The following UNC13C variants were observed in gnomAD, a reference collection of about 807,000 sequenced individuals.
UNC13C encodes the protein unc-13 homolog C, also known as protein unc-13 homolog C.
UNC13C carries 174 observed loss-of-function variants against 245.4 expected under a neutral mutation model. The ratio of observed to expected loss-of-function variants is 0.71; its 90% CI spans 0.63 to 0.80. The LOEUF is 0.80. Among genes scored for constraint, UNC13C ranks in the 30% least tolerant of loss-of-function variants. The pLI is 0.00. For synonymous variants in UNC13C, 992 were observed against 895.1 expected (o/e 1.11, Z -1.93); for missense variants, 2,829 against 2,602.9 (o/e 1.09, Z -1.89).
intron 7 of UNC13C, among the ~76,000 whole-genome samples, chr15:54,240,376 C>T (rs1379017962): frequency 2.0e-5 from 3 of 152,144 alleles, no homozygotes; most frequent in Admixed American, 6.5e-5. Flanking sequence ...ATTTGCACTT[C>T]TTGGTGCTGA....
intron 30 of UNC13C, among the ~76,000 whole-genome samples, chr15:54,588,311 C>A (rs942159873): frequency 7.2e-5 from 11 of 152,164 alleles, no homozygotes; most frequent in African/African-American, 2.7e-4. Context: ...TTATTAATTA[C>A]TTTAAATCTC....
intron 16 of UNC13C, among the ~76,000 whole-genome samples, chr15:54,337,871 C>T (rs528242731): frequency 6.6e-6 from 1 of 152,298 alleles, no homozygotes; most frequent in South Asian, 2.1e-4. Flanking sequence ...CCTACAGCTT[C>T]ATTTACTCTT....
At chr15:54,446,863 T>G (rs567065262) in intron 19 of UNC13C, among the ~76,000 whole-genome samples, 19 of 152,322 alleles carry the variant, frequency 1.2e-4, no homozygotes, top group African/African-American at 4.6e-4. Flanking sequence ...ATCCCTGTCT[T>G]GTGCCAGTTT....
intron 4 of UNC13C, among the ~76,000 whole-genome samples, chr15:54,156,735 G>A (rs1379690547): frequency 6.6e-6 from 1 of 150,798 alleles, no homozygotes; most frequent in Non-Finnish European, 1.5e-5. Context: ...TTTACACAGA[G>A]TCTGAGAGTA....
the UNC13C span, among the ~76,000 whole-genome samples, chr15:53,860,632 T>G: frequency 1.3e-5 from 2 of 152,210 alleles, no homozygotes; most frequent in Non-Finnish European, 2.9e-5. Flanking sequence ...CAGGAGTCTT[T>G]GCCTCTCCAA....
At chr15:54,347,429 A>G (rs1282153694) in intron 17 of UNC13C, among the ~76,000 whole-genome samples, 2 of 152,192 alleles carry the variant, frequency 1.3e-5, no homozygotes, top group Non-Finnish European at 2.9e-5. Context: ...GTAAATTTTA[A>G]GTTGTTTATT....
At chr15:53,913,873 C>A in the UNC13C span, 1 of 152,194 alleles carries the variant, frequency 6.6e-6, no homozygotes, top group African/African-American at 2.4e-5. Flanking sequence ...CTGCCACAGT[C>A]CAGCCTAGTA....
intron 14 of UNC13C, among the ~76,000 whole-genome samples, chr15:54,324,832 A>C (rs1027892251): frequency 2.0e-5 from 3 of 152,082 alleles, no homozygotes; most frequent in East Asian, 1.9e-4. Flanking sequence ...GATTTCACGA[A>C]GTTTGTTCAG....
rs561199568 is a variant in UNC13C, at chr15:54,114,257, A to G, written c.2984-28761A>G. Among the ~76,000 whole-genome samples, 3 of 152,312 alleles carry G rather than the reference A, an allele frequency of 2.0e-5. No individual in the cohort carries two copies. In the South Asian group the frequency reaches 6.2e-4, roughly 32 times the overall value. The stretch of plus-strand genomic sequence containing the variant: ...ACTTTTCTTTTCATTGACACTTTTA[A>G]TTAAAAGAATAAAGCACTAAGGATG... On this transcript the variant is annotated intron_variant, in intron 2 of 32. Coordinates refer to ENST00000260323, the MANE Select transcript of UNC13C (RefSeq NM_001080534.3).
chr15:54,275,230 G>T (rs1423849552), intron 10 of UNC13C, among the ~76,000 whole-genome samples: 1 of 152,150 alleles, frequency 6.6e-6, no homozygotes, highest in Non-Finnish European at 1.5e-5. Flanking sequence ...CTACTCGTAG[G>T]TAGGCTACTT....
Position 54,033,425 on chromosome 15 carries a change from T to C in UNC13C, c.2983+17539T>C, listed in dbSNP as rs1471900900. On this transcript the variant is annotated intron_variant, in intron 2 of 32. Coordinates refer to ENST00000260323, the MANE Select transcript of UNC13C (RefSeq NM_001080534.3). ...TTTTTGGATTATTTTGCTAACTTAT[T>C]GACTTATCTTATTGTCGTGGGATTT... is the stretch of plus-strand genomic sequence containing the variant. 2.6e-5 allele frequency among the ~76,000 whole-genome samples: 4 copies of C among 152,214 alleles called. No individual in the cohort carries two copies. The East Asian group carries it at 7.7e-4, about 29-fold the overall frequency.
In UNC13C at chr15:53,990,623, C is replaced by T. The variant is rs750542568; in HGVS notation, c.-257+11696C>T. Among the ~76,000 whole-genome samples the T allele has an allele frequency of 3.9e-5, 6 of 151,992 alleles. No homozygotes were observed. The East Asian group carries it at 5.8e-4, about 15-fold the overall frequency. On this transcript the variant is annotated intron_variant, in intron 1 of 32. Coordinates refer to ENST00000260323, the MANE Select transcript of UNC13C (RefSeq NM_001080534.3). ...AACCTAAAAAATTTCTTTATACTTTCGCTTTTATAGTTTAAGTGGATTCAA... is the reference window on the plus strand; with the variant it reads ...AACCTAAAAAATTTCTTTATACTTTTGCTTTTATAGTTTAAGTGGATTCAA...
chr15:53,906,520 C>G, the UNC13C span, among the ~76,000 whole-genome samples: 1 of 152,102 alleles, frequency 6.6e-6, no homozygotes, highest in Non-Finnish European at 1.5e-5. Context: ...ATAAATGGCC[C>G]CTGTCTCCCT....
In UNC13C at chr15:54,500,753, G is replaced by A; in HGVS notation, c.5158-82G>A. The stretch of plus-strand genomic sequence containing the variant: ...GTAAATATGTGATACGGGAGATTCA[G>A]TTGTTGATGGGAAACAGTGAAGATT... On this transcript the variant is annotated intron_variant, in intron 21 of 32. Coordinates refer to ENST00000260323, the MANE Select transcript of UNC13C (RefSeq NM_001080534.3). 3 of 1,182,696 alleles carry A rather than the reference G, an allele frequency of 2.5e-6. No individual in the cohort carries two copies. In the Admixed American group the frequency reaches 6.2e-5, roughly 25 times the overall value. The allele number at this position is 1,182,696 out of a possible 1,614,324, so 73.3% of individuals were successfully genotyped here.
At chr15:53,981,695 A>G (rs887082186) in intron 1 of UNC13C, among the ~76,000 whole-genome samples, 1 of 152,164 alleles carries the variant, frequency 6.6e-6, no homozygotes, top group Non-Finnish European at 1.5e-5. Context: ...CACCGGTTCT[A>G]TAATCTCTAC....
intron 2 of UNC13C, among the ~76,000 whole-genome samples, chr15:54,090,784 G>A (rs752782136): frequency 2.0e-5 from 3 of 152,178 alleles, no homozygotes; most frequent in East Asian, 1.9e-4. Context: ...AAGCTCCCAC[G>A]CCCCCATTGA....
rs140281716 is a variant in UNC13C, at chr15:54,274,141, T to C, written c.3818+8645T>C. On this transcript the variant is annotated intron_variant, in intron 10 of 32. Transcript: ENST00000260323. ...CATCGTCAACAGGGGGAGCCAGTCC[T>C]AGGGAGGTAGGGGAGAAGTGGTCAG... Among the ~76,000 whole-genome samples the C allele has an allele frequency of 3.8e-3, 571 of 152,184 alleles. 1 individual carries two copies. Among genetic ancestry groups the C allele is most frequent in the African/African-American group, 0.013 (524 of 41,518 alleles).
At chr15:54,042,936 G>A (rs545298762) in intron 2 of UNC13C, among the ~76,000 whole-genome samples, 3 of 152,106 alleles carry the variant, frequency 2.0e-5, no homozygotes, top group Admixed American at 6.5e-5. Context: ...ACGAAAGTAC[G>A]ACAAAATGAG....
chr15:54,107,792 G>A (rs1454153430), intron 2 of UNC13C, among the ~76,000 whole-genome samples: 1 of 152,196 alleles, frequency 6.6e-6, no homozygotes, highest in Non-Finnish European at 1.5e-5. Context: ...GAGGAAGCAT[G>A]AGAATAGATT....
Sources: allele counts gnomAD v4.1 joint callset (sites outside exome capture counted in the v4.1 genomes callset), GRCh38; gene constraint gnomAD v4.1.1; transcripts MANE v1.5; gene names NCBI Gene and HGNC (gene_info 2026-07-23, HGNC 2026-07-21).